The following EIF6 variants were observed in gnomAD, a reference collection of about 807,000 sequenced individuals.
EIF6 encodes the protein eukaryotic translation initiation factor 6, also known as B4 integrin interactor.
A neutral mutation model predicts 25.5 loss-of-function variants in EIF6; 10 were observed. The ratio of observed to expected loss-of-function variants is 0.39; its 90% CI spans 0.24 to 0.66. The LOEUF is 0.66. EIF6 is among the 30% of genes least tolerant of loss of function. EIF6 has a pLI of 0.45. For missense variants in EIF6, 246 were observed against 315.4 expected, an observed-to-expected ratio of 0.78 and a Z score of 1.67; for synonymous variants, 122 against 122.6, an observed-to-expected ratio of 1.00 and a Z score of 0.03.
intron 3 of EIF6, among the ~76,000 whole-genome samples, chr20:35,282,083 G>A (rs568027629): frequency 4.7e-5 from 7 of 149,468 alleles, no homozygotes; most frequent in Admixed American, 2.7e-4. Context: ...CTACCTCCCC[G>A]GTTCACACCA....
At chr20:35,282,043 C>T (rs1232225841) in intron 3 of EIF6, among the ~76,000 whole-genome samples, 1 of 147,794 alleles carries the variant, frequency 6.8e-6, no homozygotes, top group Non-Finnish European at 1.5e-5. Context: ...GGCTGGAGTG[C>T]AGTGGCACAA....
intron 6 of EIF6, 82 bp downstream of exon 6, chr20:35,279,484 C>G: frequency 6.4e-7 from 1 of 1,561,116 alleles, no homozygotes; most frequent in Non-Finnish European, 8.7e-7. Context: ...GGCTCCCATT[C>G]TAGATGACAT....
intron 3 of EIF6, among the ~76,000 whole-genome samples, chr20:35,283,290 A>C (rs1013319289): frequency 7.0e-6 from 1 of 142,610 alleles, no homozygotes; most frequent in Admixed American, 6.8e-5. Context: ...TCCATCTCAA[A>C]AAAAAATAAT....
At chr20:35,282,917 A>C (rs1165519275) in intron 3 of EIF6, among the ~76,000 whole-genome samples, 1 of 152,184 alleles carries the variant, frequency 6.6e-6, no homozygotes, top group Non-Finnish European at 1.5e-5. Context: ...AAAAAAATAA[A>C]ATAAACAGAC....
chr20:35,284,319 C>T (rs1290558222), intron 2 of EIF6, 58 bp from the exon 3 acceptor site: 1 of 1,613,866 alleles, frequency 6.2e-7, no homozygotes, highest in South Asian at 1.1e-5. Flanking sequence ...CTCCCACTGC[C>T]GGAGCTCTTG....
At chr20:35,283,211 T>C (rs886356567) in intron 3 of EIF6, among the ~76,000 whole-genome samples, 1 of 152,050 alleles carries the variant, frequency 6.6e-6, no homozygotes, top group Non-Finnish European at 1.5e-5. Flanking sequence ...GGAGAATCAC[T>C]TGAAGAGAGT....
intron 3 of EIF6, among the ~76,000 whole-genome samples, chr20:35,281,284 G>C (rs1374285155): frequency 6.6e-6 from 1 of 151,724 alleles, no homozygotes; most frequent in Non-Finnish European, 1.5e-5. Flanking sequence ...TACTCGGGAG[G>C]CTGAGGCAGG....
rs953502107 is a variant in EIF6, at chr20:35,284,765, C to T, written c.-45G>A. The T allele has an allele frequency of 8.5e-6, 4 of 472,070 alleles. No homozygotes were observed. Among genetic ancestry groups the T allele is most frequent in the Admixed American group, 7.4e-5 (2 of 26,920 alleles). 29.2% of individuals were successfully genotyped at this position (472,070 alleles called of 1,614,324 possible). A position where few individuals can be genotyped will look rare whatever the true frequency, so the allele number is the denominator to read the frequency against. Reference sequence around the variant, plus strand: ...CAAGCTCCGCACGCGGCGACTGTACCTTGGACTCCCTAAAAAGGTTTCCGT... The same window carrying T: ...CAAGCTCCGCACGCGGCGACTGTACTTTGGACTCCCTAAAAAGGTTTCCGT... On this transcript the variant is annotated 5_prime_UTR_variant, in exon 1 of 7. Transcript: ENST00000374450.
intron 3 of EIF6, among the ~76,000 whole-genome samples, chr20:35,282,758 C>T (rs1357558669): frequency 1.3e-5 from 2 of 151,770 alleles, no homozygotes; most frequent in South Asian, 2.1e-4. Flanking sequence ...TATAGGTATG[C>T]GCCACCACAC....
At position 35,280,119 on chromosome 20, in the gene EIF6, C is replaced by T; in HGVS notation, c.370-1G>A. 1 of 1,613,882 alleles carries T rather than the reference C, an allele frequency of 6.2e-7. No homozygotes were observed. The highest frequency in any genetic ancestry group is 1.3e-5 in the African/African-American group (1 of 75,042). ...CATCTGCCAGAATTTCTTCTGTCTC[C>T]TGTCAATCAAAGATATTGTGTTCAG... is the stretch of plus-strand genomic sequence containing the variant. On this transcript the variant is annotated splice_acceptor_variant, in intron 4 of 6. Transcript: ENST00000374450. LOFTEE classifies it high-confidence loss of function.
intron 5 of EIF6, 82 bp downstream of exon 5, chr20:35,279,860 G>A (rs1272072928): frequency 3.2e-6 from 5 of 1,586,800 alleles, no homozygotes; most frequent in Non-Finnish European, 3.4e-6. Flanking sequence ...CCCAAACTGT[G>A]GCAGGTAATG....
At chr20:35,279,240 G>T (rs1336613535) in intron 6 of EIF6, 34 bp from the exon 7 acceptor site, 5 of 1,610,892 alleles carry the variant, frequency 3.1e-6, no homozygotes, top group Non-Finnish European at 4.2e-6. Flanking sequence ...GTCAGTAGCT[G>T]TTTCACAGAG....
At chr20:35,280,159 A>G in intron 4 of EIF6, 41 bp from the exon 5 acceptor site, 1 of 1,600,058 alleles carries the variant, frequency 6.2e-7, no homozygotes. Flanking sequence ...CAGAACTTAC[A>G]GCCCCAGAAC....
chr20:35,280,606 C>A, intron 4 of EIF6, 48 bp downstream of exon 4: 1 of 1,596,744 alleles, frequency 6.3e-7, no homozygotes, highest in East Asian at 2.2e-5. Context: ...TGGCTAACCA[C>A]TGACTAGGAT....
chr20:35,282,227 G>C (rs2060781665), intron 3 of EIF6, among the ~76,000 whole-genome samples: 1 of 152,192 alleles, frequency 6.6e-6, no homozygotes, highest in African/African-American at 2.4e-5. Context: ...CCGACCTCGT[G>C]ATCCGCCCGC....
Position 35,279,765 on chromosome 20 carries a change from C to T in EIF6, c.547-18G>A, listed in dbSNP as rs746069124. The T allele has an allele frequency of 1.4e-5, 22 of 1,612,778 alleles. No homozygotes were observed. Among genetic ancestry groups the T allele is most frequent in the Non-Finnish European group, 1.9e-5 (22 of 1,178,912 alleles). ...GTCCCCGCCTGCCAAGGGATGGGCTCAATGTGAGTCACGGCACCAAATTCT... is the reference window on the plus strand; with the variant it reads ...GTCCCCGCCTGCCAAGGGATGGGCTTAATGTGAGTCACGGCACCAAATTCT... On this transcript the variant is annotated intron_variant, in intron 5 of 6. Transcript: ENST00000374450.
In EIF6 at chr20:35,284,770, A is replaced by G. The variant is rs1180451176; in HGVS notation, c.-50T>C. On this transcript the variant is annotated 5_prime_UTR_variant, in exon 1 of 7. Transcript: ENST00000374450. ...TCCGCACGCGGCGACTGTACCTTGG[A>G]CTCCCTAAAAAGGTTTCCGTTTCCA... The G allele has an allele frequency of 1.1e-5, 5 of 439,024 alleles. No individual in the cohort carries two copies. The highest frequency in any genetic ancestry group is 2.1e-5 in the Non-Finnish European group (5 of 243,506). The allele number at this position is 439,024 out of a possible 1,614,324, so 27.2% of individuals were successfully genotyped here.
chr20:35,282,966 T>C (rs1320395205), intron 3 of EIF6, among the ~76,000 whole-genome samples: 1 of 151,870 alleles, frequency 6.6e-6, no homozygotes, highest in Non-Finnish European at 1.5e-5. Context: ...TAAGAAACAA[T>C]GGGCAGCAGT....
intron 3 of EIF6, among the ~76,000 whole-genome samples, chr20:35,283,274 GA>G (rs2060792206): frequency 1.3e-5 from 2 of 148,988 alleles, no homozygotes; most frequent in African/African-American, 5.0e-5. Context: ...CAACAAGAGC[GA>G]AAACTCCATC....
Sources: gnomAD v4.1 joint callset for allele counts (sites outside exome capture counted in the v4.1 genomes callset) on GRCh38, gnomAD v4.1.1 for gene constraint, MANE v1.5 for transcripts, NCBI Gene and HGNC (gene_info 2026-07-23, HGNC 2026-07-21) for gene names.